The following BCAS3 variants were observed in gnomAD, a reference collection of about 807,000 sequenced individuals.
The protein encoded by BCAS3 is BCAS4/BCAS3 fusion.
Under a neutral mutation model 116.1 loss-of-function variants are expected in BCAS3, and 53 were observed. The observed-to-expected ratio is 0.46, with a 90% CI of 0.37 to 0.57. The LOEUF (loss-of-function observed/expected upper bound fraction) is 0.57. Ranked by LOEUF, BCAS3 falls within the 20% of genes least tolerant of loss-of-function variation. BCAS3 has a pLI of 0.00. For synonymous variants in BCAS3, 391 were observed against 408.2 expected (o/e 0.96, Z 0.51); for missense variants, 917 against 1,165.4 (o/e 0.79, Z 3.10).
intron 7 of BCAS3, among the ~76,000 whole-genome samples, chr17:60,841,097 TTAAG>T (rs542452227): frequency 2.0e-4 from 31 of 152,258 alleles, no homozygotes; most frequent in Middle Eastern, 3.4e-3. Context: ...ATATACTACT[TTAAG>T]TAAGGAACTT....
Position 61,278,221 on chromosome 17 carries a change from T to C in BCAS3, c.2426-90106T>C, listed in dbSNP as rs1414843998. ...CGATGCCCAGCTAATTTTTGTATTTTTAGTAGAGACGGGGTTTCACCATGT... is the reference window on the plus strand; with the variant it reads ...CGATGCCCAGCTAATTTTTGTATTTCTAGTAGAGACGGGGTTTCACCATGT... On this transcript the variant is annotated intron_variant, in intron 22 of 23. Coordinates refer to ENST00000407086, the MANE Select transcript of BCAS3 (RefSeq NM_017679.5). This position sits in a 1 kb window ranked among gnomAD's most constrained non-coding sequence, Gnocchi z 5.8. 6.6e-6 allele frequency among the ~76,000 whole-genome samples: 1 copy of C among 152,142 alleles called. No homozygotes were observed. Among genetic ancestry groups the C allele is most frequent in the East Asian group, 1.9e-4 (1 of 5,188 alleles).
chr17:60,995,000 C>T lies in BCAS3; in HGVS notation c.1486+4765C>T, dbSNP rs540856175. Among the ~76,000 whole-genome samples the T allele has an allele frequency of 9.9e-5, 15 of 152,038 alleles. No individual in the cohort carries two copies. The highest frequency in any genetic ancestry group is 3.1e-4 in the African/African-American group (13 of 41,500). ...TAAGGCCTTTTTTATTTTTTTGAGA[C>T]GGGGTCTCGCTCTGTCACCCAGGCT... On this transcript the variant is annotated intron_variant, in intron 15 of 23. Coordinates refer to ENST00000407086, the MANE Select transcript of BCAS3 (RefSeq NM_017679.5). The surrounding 1 kb of genome is among the most constrained non-coding windows in gnomAD (Gnocchi z 4.4).
At chr17:61,046,013 T>TA (rs1600739909) in intron 19 of BCAS3, among the ~76,000 whole-genome samples, 1 of 10,950 alleles carries the variant, frequency 9.1e-5, no homozygotes, top group African/African-American at 6.5e-4. Context: ...TATATATATT[T>TA]ATATATATAT....
rs1286885153 is a variant in BCAS3, at chr17:61,366,999, C to G, written c.2426-1328C>G. Among the ~76,000 whole-genome samples, 1 of 152,322 alleles carries G rather than the reference C, an allele frequency of 6.6e-6. No homozygotes were observed. The highest frequency in any genetic ancestry group is 1.5e-5 in the Non-Finnish European group (1 of 68,032). On this transcript the variant is annotated intron_variant, in intron 22 of 23. Transcript: ENST00000407086. The surrounding 1 kb of genome is among the most constrained non-coding windows in gnomAD (Gnocchi z 4.5). ...ACGGTTATCACCTCAATGCTGTGGC[C>G]ATTATCAGAGGCAGGACCGCCTGCC...
At chr17:61,150,896 G>A (rs550173455) in intron 22 of BCAS3, among the ~76,000 whole-genome samples, 3 of 152,262 alleles carry the variant, frequency 2.0e-5, no homozygotes, top group African/African-American at 7.2e-5. Flanking sequence ...AAATCCTCCT[G>A]TTACTCAAGA....
chr17:60,888,928 C>T (rs979685543), intron 9 of BCAS3, among the ~76,000 whole-genome samples: 3 of 152,094 alleles, frequency 2.0e-5, no homozygotes, highest in Non-Finnish European at 2.9e-5. Context: ...GTAAGGTGTG[C>T]TTCTTTAGTG....
intron 5 of BCAS3, among the ~76,000 whole-genome samples, chr17:60,726,141 C>T (rs150849928): frequency 0.032 from 4,697 of 149,110 alleles, 234 homozygotes; most frequent in African/African-American, 0.11. Context: ...GTGATAAGAC[C>T]GCCTTGGCCT....
intron 23 of BCAS3, among the ~76,000 whole-genome samples, chr17:61,382,205 G>A (rs1160453053): frequency 6.6e-6 from 1 of 150,886 alleles, no homozygotes; most frequent in Non-Finnish European, 1.5e-5. Context: ...GCGCGTGCCT[G>A]TAATCCCAGC....
intron 10 of BCAS3, 38 bp downstream of exon 10, chr17:60,889,809 G>C (rs1285172178): frequency 1.4e-5 from 21 of 1,547,590 alleles, no homozygotes; most frequent in Non-Finnish European, 1.9e-5. Context: ...TTGTAATGGA[G>C]CAAGTGTTGA....
At chr17:60,969,047 G>A (rs1000774089) in intron 14 of BCAS3, among the ~76,000 whole-genome samples, 1 of 150,616 alleles carries the variant, frequency 6.6e-6, no homozygotes, top group Non-Finnish European at 1.5e-5. Flanking sequence ...CGGGGGAGGG[G>A]CATTACAGAT....
chr17:61,074,805 T>C, intron 19 of BCAS3, 115 bp from the exon 20 acceptor site: 1 of 519,782 alleles, frequency 1.9e-6, no homozygotes, highest in South Asian at 6.1e-5. Context: ...CTTTTTGCTT[T>C]AAAGTATTAT....
intron 7 of BCAS3, among the ~76,000 whole-genome samples, chr17:60,845,704 C>T (rs1410800347): frequency 1.3e-5 from 2 of 151,984 alleles, no homozygotes; most frequent in East Asian, 3.9e-4. Flanking sequence ...AAAATGCTAT[C>T]GTTCCTAGAG....
intron 6 of BCAS3, among the ~76,000 whole-genome samples, chr17:60,770,841 T>TG (rs2044616323): frequency 1.4e-5 from 1 of 69,676 alleles, no homozygotes; most frequent in Non-Finnish European, 2.4e-5. Flanking sequence ...TTTGTTTTTT[T>TG]TTTTTTTTTT....
chr17:61,332,736 T>C lies in BCAS3; in HGVS notation c.2426-35591T>C, dbSNP rs1414064859. Reference sequence around the variant, plus strand: ...GTTCAAGCCATTCTCCTGCCTCAGCTTCCTGAATAGCTGGGATTATAGGCG... The same window carrying C: ...GTTCAAGCCATTCTCCTGCCTCAGCCTCCTGAATAGCTGGGATTATAGGCG... On this transcript the variant is annotated intron_variant, in intron 22 of 23. Coordinates refer to ENST00000407086, the MANE Select transcript of BCAS3 (RefSeq NM_017679.5). This position sits in a 1 kb window ranked among gnomAD's most constrained non-coding sequence, Gnocchi z 5.4. Among the ~76,000 whole-genome samples the C allele has an allele frequency of 6.6e-6, 1 of 152,086 alleles. No homozygotes were observed.
intron 22 of BCAS3, among the ~76,000 whole-genome samples, chr17:61,273,850 A>G (rs1210807252): frequency 6.7e-6 from 1 of 148,622 alleles, no homozygotes; most frequent in African/African-American, 2.5e-5. Flanking sequence ...AATTTAGTGA[A>G]TTTTTTATTT....
intron 22 of BCAS3, among the ~76,000 whole-genome samples, chr17:61,318,591 G>T (rs1377613350): frequency 6.6e-6 from 1 of 152,204 alleles, no homozygotes; most frequent in African/African-American, 2.4e-5. Flanking sequence ...AACAGATGAC[G>T]GGTTATTTCC....
At chr17:61,328,671 G>T (rs1378879345) in intron 22 of BCAS3, among the ~76,000 whole-genome samples, 1 of 152,094 alleles carries the variant, frequency 6.6e-6, no homozygotes, top group Non-Finnish European at 1.5e-5. Flanking sequence ...AGGCTGAAGT[G>T]GGAGGATCAC....
chr17:60,728,711 C>T (rs2040162871), intron 5 of BCAS3, among the ~76,000 whole-genome samples: 1 of 151,982 alleles, frequency 6.6e-6, no homozygotes, highest in South Asian at 2.1e-4. Flanking sequence ...GACTCCTGAC[C>T]TCAAGCAATC....
intron 5 of BCAS3, among the ~76,000 whole-genome samples, chr17:60,735,987 A>T (rs2040917076): frequency 7.0e-6 from 1 of 143,010 alleles, no homozygotes; most frequent in Non-Finnish European, 1.5e-5. Context: ...GCCATTCAAC[A>T]TTTTTTGAAG....
Sources: allele counts gnomAD v4.1 joint callset (sites outside exome capture counted in the v4.1 genomes callset), GRCh38; gene constraint gnomAD v4.1.1; non-coding constraint Gnocchi (gnomAD v3.1); transcripts MANE v1.5; gene names NCBI Gene and HGNC (gene_info 2026-07-23, HGNC 2026-07-21).